CASD1: variants seen among roughly 807,000 people sequenced by gnomAD.
CASD1 encodes N-acetylneuraminate (7)9-O-acetyltransferase.
Under a neutral mutation model 100.0 loss-of-function variants are expected in CASD1, and 41 were observed. The ratio of observed to expected loss-of-function variants is 0.41; its 90% CI spans 0.32 to 0.53. The LOEUF is 0.53. Among genes scored for constraint, CASD1 ranks in the 20% least tolerant of loss-of-function variants. The pLI, the probability that CASD1 is intolerant of heterozygous loss-of-function variation, is 0.25. For missense variants in CASD1, 774 were observed against 948.7 expected (o/e 0.82, Z 2.42); for synonymous variants, 321 against 315.6 (o/e 1.02, Z -0.18).
the CASD1 span, among the ~76,000 whole-genome samples, chr7:94,575,727 T>A: frequency 2.6e-5 from 4 of 152,220 alleles, no homozygotes; most frequent in Admixed American, 6.5e-5. Flanking sequence ...TCTTCTTCAG[T>A]TTTTCAAAAT....
the CASD1 span, among the ~76,000 whole-genome samples, chr7:94,594,983 T>C: frequency 6.6e-6 from 1 of 152,132 alleles, no homozygotes; most frequent in East Asian, 1.9e-4. Context: ...TCATTTTGCT[T>C]ATAACCTGAA....
chr7:94,555,919 T>C lies in CASD1; in HGVS notation c.*161T>C, dbSNP rs898766611. 8 of 693,072 alleles carry C rather than the reference T, an allele frequency of 1.2e-5. No homozygotes were observed. Among genetic ancestry groups the C allele is most frequent in the Non-Finnish European group, 1.6e-5 (7 of 426,662 alleles). The allele number at this position is 693,072 out of a possible 1,614,324, so 42.9% of individuals were successfully genotyped here. On this transcript the variant is annotated 3_prime_UTR_variant, in exon 18 of 18. Coordinates refer to ENST00000297273, the MANE Select transcript of CASD1 (RefSeq NM_022900.5). ...TGTTGAACATATGTGGTTGTATATA[T>C]TGGAAATGTACATATCCAATATGAA...
chr7:94,607,191 A>T, the CASD1 span, among the ~76,000 whole-genome samples: 1 of 152,220 alleles, frequency 6.6e-6, no homozygotes, highest in African/African-American at 2.4e-5. Flanking sequence ...TCAGGTCCAG[A>T]TGGGTTCACT....
chr7:94,572,483 G>A, the CASD1 span, among the ~76,000 whole-genome samples: 3 of 152,162 alleles, frequency 2.0e-5, no homozygotes, highest in Admixed American at 6.5e-5. Flanking sequence ...AATGATCAGT[G>A]ATATTGAACT....
the CASD1 span, chr7:94,619,705 C>T: frequency 1.3e-5 from 2 of 152,118 alleles, no homozygotes; most frequent in African/African-American, 4.8e-5. Flanking sequence ...AATGTATGTA[C>T]TGTGAGGCAG....
Position 94,547,147 on chromosome 7 carries a change from TATTC to T in CASD1, c.1688_1691del (p.Phe563TyrfsTer26). On this transcript the variant is annotated frameshift_variant, in exon 13 of 18. Transcript: ENST00000297273. LOFTEE classifies it high-confidence loss of function. The stretch of plus-strand genomic sequence containing the variant: ...CTGTTGAAACTAGGCTTTTTGCTGT[TATTC>T]ATATGTTTTTTGGCATATTCTCAGG... 6.3e-7 allele frequency: 1 copy of T among 1,594,000 alleles called. No homozygotes were observed.
At chr7:94,515,041 A>T (rs1368995913) in intron 1 of CASD1, among the ~76,000 whole-genome samples, 1 of 152,064 alleles carries the variant, frequency 6.6e-6, no homozygotes, top group African/African-American at 2.4e-5. Context: ...ATTTATTTTA[A>T]TCAGGTTATA....
At chr7:94,617,178 C>T in the CASD1 span, 1 of 152,184 alleles carries the variant, frequency 6.6e-6, no homozygotes, top group East Asian at 1.9e-4. Context: ...AGGAACCTAT[C>T]TATATTTTTA....
the CASD1 span, chr7:94,600,737 C>A: frequency 6.2e-7 from 1 of 1,613,824 alleles, no homozygotes; most frequent in East Asian, 2.2e-5. Flanking sequence ...ATTAGGAAAT[C>A]CGTGTAATAG....
At chr7:94,586,792 G>A in the CASD1 span, 181 of 979,222 alleles carry the variant, frequency 1.8e-4, no homozygotes, top group Middle Eastern at 1.6e-3. Flanking sequence ...GTGAGCCACC[G>A]CACCCAGCCT....
chr7:94,579,962 C>T, the CASD1 span, among the ~76,000 whole-genome samples: 5 of 152,140 alleles, frequency 3.3e-5, no homozygotes, highest in South Asian at 2.1e-4. Context: ...AGAACCCACA[C>T]GTCAGAATTG....
chr7:94,551,246 A>C (rs1795931394), intron 14 of CASD1, 92 bp from the exon 15 acceptor site: 5 of 977,836 alleles, frequency 5.1e-6, no homozygotes, highest in Non-Finnish European at 7.4e-6. Flanking sequence ...TAACCTACCT[A>C]CTTTTATTCA....
intron 13 of CASD1, among the ~76,000 whole-genome samples, chr7:94,548,966 G>A (rs1263532330): frequency 2.0e-5 from 3 of 151,872 alleles, no homozygotes; most frequent in Non-Finnish European, 4.4e-5. Context: ...TGTTTCAAAG[G>A]CTGGTAATGG....
chr7:94,538,254 ATAAT>A (rs1420124070), intron 9 of CASD1, among the ~76,000 whole-genome samples: 4 of 152,198 alleles, frequency 2.6e-5, no homozygotes, highest in African/African-American at 9.6e-5. Flanking sequence ...GTAAAAGAAT[ATAAT>A]TAACAAATGC....
chr7:94,562,636 T>C, the CASD1 span, among the ~76,000 whole-genome samples: 2,233 of 152,164 alleles, frequency 0.015, 48 homozygotes, highest in African/African-American at 0.051. Flanking sequence ...CTTTTTTTTT[T>C]CTTTGAGATT....
At chr7:94,563,180 A>G in the CASD1 span, among the ~76,000 whole-genome samples, 2 of 152,142 alleles carry the variant, frequency 1.3e-5, no homozygotes, top group African/African-American at 4.8e-5. Context: ...GCAAGAAGGG[A>G]CATGGAACCT....
intron 5 of CASD1, among the ~76,000 whole-genome samples, chr7:94,531,981 A>G (rs1282819106): frequency 1.3e-5 from 2 of 152,126 alleles, no homozygotes; most frequent in African/African-American, 4.8e-5. Context: ...GCAGGAATCT[A>G]TATTACAATG....
the CASD1 span, chr7:94,629,587 TACA>T: frequency 9.6e-6 from 8 of 832,852 alleles, no homozygotes; most frequent in Non-Finnish European, 1.6e-5. Context: ...AGAAATATCC[TACA>T]ACAATTTATC....
chr7:94,521,369 T>C (rs1452615431), intron 3 of CASD1, among the ~76,000 whole-genome samples: 1 of 152,270 alleles, frequency 6.6e-6, no homozygotes, highest in East Asian at 1.9e-4. Flanking sequence ...ATCTAAACAA[T>C]GTTTGTATAA....
Sources: allele counts gnomAD v4.1 joint callset (sites outside exome capture counted in the v4.1 genomes callset), GRCh38; gene constraint gnomAD v4.1.1; transcripts MANE v1.5; gene names NCBI Gene and HGNC (gene_info 2026-07-23, HGNC 2026-07-21).